The following SPON1 variants were observed in gnomAD, a reference collection of about 807,000 sequenced individuals.
The protein encoded by SPON1 is spondin-1.
In SPON1, 52 loss-of-function variants were observed where a neutral mutation model predicts 111.7. The ratio of observed to expected loss-of-function variants is 0.47; its 90% CI spans 0.37 to 0.59. The LOEUF (loss-of-function observed/expected upper bound fraction) is 0.59, where lower values mean the gene tolerates loss of function less well. Among genes scored for constraint, SPON1 ranks in the 20% least tolerant of loss-of-function variants. The pLI is 0.00. For missense variants in SPON1, 957 were observed against 1,068.5 expected, an observed-to-expected ratio of 0.90 and a Z score of 1.46; for synonymous variants, 410 against 395.8, an observed-to-expected ratio of 1.04 and a Z score of -0.43.
In SPON1 at chr11:14,011,428, GTAT is replaced by G. The variant is rs199806125; in HGVS notation, c.345+28477_345+28479del. ...TGCACTCACACACACAATTTTGCTT[GTAT>G]TTCAGGGATTTCTCCAACCTTCTGA... On this transcript the variant is annotated intron_variant, in intron 2 of 15. Transcript: ENST00000576479. Among the ~76,000 whole-genome samples, 733 of 152,182 alleles carry G rather than the reference GTAT, an allele frequency of 4.8e-3. 1 individual carries two copies. The highest frequency in any genetic ancestry group is 0.017 in the African/African-American group (691 of 41,500).
intron 2 of SPON1, among the ~76,000 whole-genome samples, chr11:14,007,692 A>G (rs958650223): frequency 6.6e-6 from 1 of 152,174 alleles, no homozygotes; most frequent in Admixed American, 6.5e-5. Context: ...CAGGAGGTGA[A>G]GCTCAGGCGG....
At position 13,962,728 on chromosome 11, in the gene SPON1, A is replaced by AGCTCC; in HGVS notation, c.-175_-174insTCCGC. 1.7e-6 allele frequency: 1 copy of AGCTCC among 584,818 alleles called. No individual in the cohort carries two copies. Among genetic ancestry groups the AGCTCC allele is most frequent in the Non-Finnish European group, 2.8e-6 (1 of 352,628 alleles). The allele number at this position is 584,818 out of a possible 1,614,324, so 36.2% of individuals were successfully genotyped here. ...CGCTTGGCTCAGCTCAGCTCAGCTC[A>AGCTCC]GCGCAGCTCCGCGGCCGCCAAGCCG... On this transcript the variant is annotated 5_prime_UTR_variant, in exon 1 of 16. Transcript: ENST00000576479.
At chr11:14,144,633 CCAATAATAA>C (rs1428422876) in intron 6 of SPON1, among the ~76,000 whole-genome samples, 9 of 123,980 alleles carry the variant, frequency 7.3e-5, no homozygotes, top group Non-Finnish European at 9.9e-5. Flanking sequence ...GACTCCATCT[CCAATAATAA>C]TAATAATAAT....
intron 2 of SPON1, among the ~76,000 whole-genome samples, chr11:14,004,458 A>G (rs1429727198): frequency 1.3e-5 from 2 of 152,206 alleles, no homozygotes; most frequent in Non-Finnish European, 2.9e-5. Context: ...TCAACAGCAT[A>G]CAGGGTTACC....
intron 2 of SPON1, among the ~76,000 whole-genome samples, chr11:14,030,687 T>C (rs1334551565): frequency 6.6e-6 from 1 of 152,124 alleles, no homozygotes; most frequent in Non-Finnish European, 1.5e-5. Context: ...ATGGCTGTTG[T>C]TAAAAAGACA....
chr11:14,095,346 A>G (rs1446712557), intron 5 of SPON1, among the ~76,000 whole-genome samples: 1 of 152,166 alleles, frequency 6.6e-6, no homozygotes, highest in Non-Finnish European at 1.5e-5. Context: ...AACAAAATTA[A>G]ACATTATATT....
intron 2 of SPON1, among the ~76,000 whole-genome samples, chr11:14,013,017 C>G (rs1454815328): frequency 6.6e-6 from 1 of 152,180 alleles, no homozygotes; most frequent in Non-Finnish European, 1.5e-5. Context: ...TTCTTACATT[C>G]TTTCCCTGTG....
chr11:14,215,654 C>G (rs1554937097), intron 6 of SPON1, among the ~76,000 whole-genome samples: 1 of 152,224 alleles, frequency 6.6e-6, no homozygotes, highest in African/African-American at 2.4e-5. Context: ...AGACCCCCAT[C>G]TCCTAATGGG....
intron 6 of SPON1, among the ~76,000 whole-genome samples, chr11:14,156,205 A>T (rs1554930386): frequency 1.4e-5 from 2 of 143,788 alleles, no homozygotes; most frequent in Non-Finnish European, 3.1e-5. Context: ...GTGAGATAGT[A>T]TCTCATTGTG....
At chr11:14,094,195 G>A (rs1313930121) in intron 5 of SPON1, among the ~76,000 whole-genome samples, 1 of 149,090 alleles carries the variant, frequency 6.7e-6, no homozygotes, top group Non-Finnish European at 1.5e-5. Flanking sequence ...CTGAGTGACA[G>A]AGTGAGACTC....
chr11:14,056,572 A>C (rs1554919198), intron 3 of SPON1, among the ~76,000 whole-genome samples: 1 of 152,212 alleles, frequency 6.6e-6, no homozygotes, highest in Non-Finnish European at 1.5e-5. Context: ...AAATTAAAAA[A>C]AATCAAGACC....
At chr11:14,104,714 C>A (rs1055115663) in intron 5 of SPON1, among the ~76,000 whole-genome samples, 2 of 152,052 alleles carry the variant, frequency 1.3e-5, no homozygotes, top group African/African-American at 4.8e-5. Flanking sequence ...TTCAAGATTT[C>A]ATACTATTTT....
chr11:14,264,224 T>C (rs1554942203), intron 15 of SPON1, among the ~76,000 whole-genome samples: 1 of 152,096 alleles, frequency 6.6e-6, no homozygotes, highest in Non-Finnish European at 1.5e-5. Flanking sequence ...ACAAGGCCAG[T>C]GGCCCACCAA....
At chr11:13,977,716 T>A (rs1022087015) in intron 1 of SPON1, among the ~76,000 whole-genome samples, 1 of 96,294 alleles carries the variant, frequency 1.0e-5, no homozygotes, top group Non-Finnish European at 2.3e-5. Context: ...TTATTGTTAG[T>A]GCTTTTTTAT....
At chr11:14,221,123 A>G (rs1297664175) in intron 6 of SPON1, among the ~76,000 whole-genome samples, 1 of 152,152 alleles carries the variant, frequency 6.6e-6, no homozygotes, top group Non-Finnish European at 1.5e-5. Flanking sequence ...TCATTCATTC[A>G]ACCAGCCCAT....
chr11:14,188,757 T>A (rs528321312), intron 6 of SPON1, among the ~76,000 whole-genome samples: 47 of 152,324 alleles, frequency 3.1e-4, no homozygotes, highest in African/African-American at 1.1e-3. Context: ...GGAAAGTCCT[T>A]AATCTCTCTG....
Position 14,268,018 on chromosome 11 carries a change from G to T in SPON1, c.*2331G>T, listed in dbSNP as rs1591433906. 1 of 152,156 alleles carries T rather than the reference G, an allele frequency of 6.6e-6. No homozygotes were observed. Among genetic ancestry groups the T allele is most frequent in the East Asian group, 1.9e-4 (1 of 5,202 alleles). 9.4% of individuals were successfully genotyped at this position (152,156 alleles called of 1,614,324 possible). A position where few individuals can be genotyped will look rare whatever the true frequency, so the allele number is the denominator to read the frequency against. On this transcript the variant is annotated 3_prime_UTR_variant, in exon 16 of 16. Coordinates refer to ENST00000576479, the MANE Select transcript of SPON1 (RefSeq NM_006108.4). ...CAACCAGACATTGGGTCACTCACTG[G>T]TCACCTTGCCAGTGCATTTTATTAG...
At chr11:14,234,149 A>G (rs2133913716) in intron 6 of SPON1, among the ~76,000 whole-genome samples, 1 of 152,178 alleles carries the variant, frequency 6.6e-6, no homozygotes, top group South Asian at 2.1e-4. Context: ...AGGTTGAGGC[A>G]CCTCCAGTCA....
Position 14,214,913 on chromosome 11 carries a change from T to A in SPON1, c.826-28419T>A, listed in dbSNP as rs115028531. ...AACACAAAGCCTAACCAACAGTGCT[T>A]TAAATTTTGTGGACTTTTACTATTT... is the stretch of plus-strand genomic sequence containing the variant. On this transcript the variant is annotated intron_variant, in intron 6 of 15. Transcript: ENST00000576479. Among the ~76,000 whole-genome samples, 1,212 of 152,304 alleles carry A rather than the reference T, an allele frequency of 8.0e-3. 14 individuals carry two copies. The highest frequency in any genetic ancestry group is 0.027 in the African/African-American group (1,137 of 41,554).
Sources: gnomAD v4.1 joint callset for allele counts (sites outside exome capture counted in the v4.1 genomes callset) on GRCh38, gnomAD v4.1.1 for gene constraint, MANE v1.5 for transcripts, NCBI Gene and HGNC (gene_info 2026-07-23, HGNC 2026-07-21) for gene names.